Variants in ZNF823 observed in about 807,000 individuals in gnomAD.
The protein encoded by ZNF823 is ZFP 36 for a zinc finger protein.
Under a neutral mutation model 11.4 loss-of-function variants are expected in ZNF823, and 5 were observed. The observed-to-expected ratio is 0.44, with a 90% CI of 0.23 to 0.92. The LOEUF (loss-of-function observed/expected upper bound fraction) is 0.92. Among genes scored for constraint, ZNF823 ranks in the 40% least tolerant of loss-of-function variants. The pLI is 0.24. For missense variants in ZNF823, 582 were observed against 738.5 expected (o/e 0.79, Z 2.46); for synonymous variants, 234 against 250.5 (o/e 0.93, Z 0.62).
At chr19:11,735,275 A>C (rs1568470893) in intron 1 of ZNF823, among the ~76,000 whole-genome samples, 2 of 96,578 alleles carry the variant, frequency 2.1e-5, no homozygotes, top group African/African-American at 5.1e-5. Flanking sequence ...ACTCCATTTC[A>C]AAAAACAAAA....
chr19:11,731,293 T>C (rs1276973498), intron 1 of ZNF823, among the ~76,000 whole-genome samples: 1 of 151,680 alleles, frequency 6.6e-6, no homozygotes, highest in Non-Finnish European at 1.5e-5. Context: ...GCCTGGGCAA[T>C]AACAAGAGCA....
chr19:11,722,062 C>A lies in ZNF823; in HGVS notation c.1472G>T (p.Arg491Met). The change falls in exon 4 of 4, where the codon AGG (arginine) becomes ATG (methionine). Residue 491 changes from arginine (R) to methionine (M), a missense_variant. Coordinates refer to ENST00000341191, the MANE Select transcript of ZNF823 (RefSeq NM_001080493.4). The surrounding 1 kb of genome is among the most constrained non-coding windows in gnomAD (Gnocchi z 5.2). ...ATAAGGTTTTTCTACTGTGTGGGTCCTTTTATGTTGAGAAAGGTATTTGAA... is the reference window on the plus strand; with the variant it reads ...ATAAGGTTTTTCTACTGTGTGGGTCATTTTATGTTGAGAAAGGTATTTGAA... ...SCFKYLSQHK[R>M]THTVEKPYEC... 1.2e-6 allele frequency: 2 copies of A among 1,612,552 alleles called. No individual in the cohort carries two copies. The highest frequency in any genetic ancestry group is 1.1e-5 in the South Asian group (1 of 90,778).
rs1367853656 is a variant in ZNF823, at chr19:11,725,191, T to A, written c.130+10A>T. 10 of 1,607,876 alleles carry A rather than the reference T, an allele frequency of 6.2e-6. No individual in the cohort carries two copies. Among genetic ancestry groups the A allele is most frequent in the African/African-American group, 1.3e-5 (1 of 74,570 alleles). ...TAATTGACTAAGTGAAGAGATGATG[T>A]CATCCTTACCTATACAGTCCAGGTT... On this transcript the variant is annotated intron_variant, in intron 2 of 3. Transcript: ENST00000341191.
At chr19:11,729,188 A>C (rs1248814089) in intron 1 of ZNF823, among the ~76,000 whole-genome samples, 1 of 149,170 alleles carries the variant, frequency 6.7e-6, no homozygotes, top group East Asian at 1.9e-4. Flanking sequence ...AAAAAAAAAA[A>C]CAACAAATAA....
At position 11,721,770 on chromosome 19, in the gene ZNF823, A is replaced by G. The variant is rs1229409176; in HGVS notation, c.1764T>C (p.Cys588=). 23 of 1,614,030 alleles carry G rather than the reference A, an allele frequency of 1.4e-5. No homozygotes were observed. Among genetic ancestry groups the G allele is most frequent in the Non-Finnish European group, 1.7e-5 (20 of 1,180,024 alleles). ...AACGGAGAGAACTCAATGCTTTCCC[A>G]CATTCCTTACATTCATACAGCTTCT... ...TGEKLYECKE[C]GKALSSLRSL... The change falls in exon 4 of 4, where the codon TGT becomes TGC. Residue 588 remains cysteine, a synonymous_variant. Transcript: ENST00000341191.
At chr19:11,729,846 C>T (rs1022241531) in intron 1 of ZNF823, among the ~76,000 whole-genome samples, 2 of 151,950 alleles carry the variant, frequency 1.3e-5, no homozygotes, top group Non-Finnish European at 2.9e-5. Context: ...CTACAAGTTA[C>T]GTTTGGAAGG....
chr19:11,725,271 C>G lies in ZNF823; in HGVS notation c.60G>C (p.Leu20Phe). ...AGAGACTCTTCTGTGATGGACCCAG[C>G]AAAGCCCACTCCTCTTGTGTGAAGT... The part of the protein sequence containing the change: ...AVNFTQEEWA[L>F]LGPSQKSLYR... Residue 20 changes from leucine (L) to phenylalanine (F), a missense_variant, in exon 2 of 4, where the codon TTG (leucine) becomes TTC (phenylalanine). Physicochemically the swap from Leu to Phe is conservative, Grantham distance 22. Coordinates refer to ENST00000341191, the MANE Select transcript of ZNF823 (RefSeq NM_001080493.4). The G allele has an allele frequency of 6.2e-7, 1 of 1,614,094 alleles. No individual in the cohort carries two copies. Among genetic ancestry groups the G allele is most frequent in the South Asian group, 1.1e-5 (1 of 91,082 alleles).
In ZNF823 at chr19:11,724,182, G is replaced by C; in HGVS notation, c.191+12C>G. 1 of 1,598,938 alleles carries C rather than the reference G, an allele frequency of 6.3e-7. No homozygotes were observed. The highest frequency in any genetic ancestry group is 8.5e-7 in the Non-Finnish European group (1 of 1,172,622). On this transcript the variant is annotated intron_variant, in intron 3 of 3. Transcript: ENST00000341191. ...TGCAGGGACATAGCTTTCTTTTGTG[G>C]GTGCAAATTACCTTAGATTTCTCTT...
In ZNF823 at chr19:11,738,881, G is replaced by A. The variant is rs1047621681; in HGVS notation, c.-62C>T. ...AGCCAGTGTGGGTCCCAGCGCGACA[G>A]ACGCTGATACAGACCTTCCAGGGCG... On this transcript the variant is annotated 5_prime_UTR_variant, in exon 1 of 4. Coordinates refer to ENST00000341191, the MANE Select transcript of ZNF823 (RefSeq NM_001080493.4). 2.5e-6 allele frequency: 4 copies of A among 1,584,086 alleles called. No homozygotes were observed. The African/African-American group carries it at 5.4e-5, about 21-fold the overall frequency.
In ZNF823 at chr19:11,723,241, C is replaced by T. The variant is rs1335534044; in HGVS notation, c.293G>A (p.Cys98Tyr). 4.3e-6 allele frequency: 7 copies of T among 1,614,004 alleles called. No individual in the cohort carries two copies. Among genetic ancestry groups the T allele is most frequent in the South Asian group, 3.3e-5 (3 of 91,092 alleles). Residue 98 changes from cysteine (C) to tyrosine (Y), a missense_variant, in exon 4 of 4, where the codon TGT (cysteine) becomes TAT (tyrosine). By Grantham distance (194) the Cys-to-Tyr change is radical (BLOSUM62 -2). Around this residue, in one of 3 missense-constraint regions of ZNF823, gnomAD observed 429 missense variants for 553.7 expected, o/e 0.77. Coordinates refer to ENST00000341191, the MANE Select transcript of ZNF823 (RefSeq NM_001080493.4). ...GACTTCTCCACACTCACCACTGTCA[C>T]ATGGATTTACTCGAGGAGTGTTCTT... ...VNKNTPRVNP[C>Y]DSGECGEVVL...
Position 11,721,662 on chromosome 19 carries a change from G to A in ZNF823, c.*39C>T, listed in dbSNP as rs1261808782. 1 of 1,544,222 alleles carries A rather than the reference G, an allele frequency of 6.5e-7. No individual in the cohort carries two copies. Among genetic ancestry groups the A allele is most frequent in the African/African-American group, 1.4e-5 (1 of 72,424 alleles). ...CCAAAGTGAGTTCTTTCAAGTTTCT[G>A]AAATTAAAGTACTGAATGTTTTCCC... On this transcript the variant is annotated 3_prime_UTR_variant, in exon 4 of 4. Transcript: ENST00000341191.
chr19:11,724,092 T>C, intron 3 of ZNF823, 102 bp downstream of exon 3: 1 of 958,668 alleles, frequency 1.0e-6, no homozygotes, highest in Non-Finnish European at 1.5e-6. Flanking sequence ...AATGAATAAA[T>C]TTAAGCTGGG....
At chr19:11,734,658 C>T (rs1974960618) in intron 1 of ZNF823, among the ~76,000 whole-genome samples, 1 of 152,142 alleles carries the variant, frequency 6.6e-6, no homozygotes, top group East Asian at 1.9e-4. Flanking sequence ...CTGCCTCAGC[C>T]TCCTGAGTAG....
chr19:11,728,098 C>T (rs941081037), intron 1 of ZNF823, among the ~76,000 whole-genome samples: 4 of 152,042 alleles, frequency 2.6e-5, no homozygotes, highest in Non-Finnish European at 4.4e-5. Flanking sequence ...AGGATGGTCT[C>T]GATCTCCTGA....
intron 1 of ZNF823, among the ~76,000 whole-genome samples, chr19:11,736,388 A>G (rs1191709340): frequency 6.6e-6 from 1 of 152,114 alleles, no homozygotes; most frequent in African/African-American, 2.4e-5. Flanking sequence ...GCATGGTAGC[A>G]TACGTCTGTA....
At chr19:11,723,420 T>C in intron 3 of ZNF823, 78 bp from the exon 4 acceptor site, 2 of 1,224,714 alleles carry the variant, frequency 1.6e-6, no homozygotes, top group East Asian at 5.1e-5. Flanking sequence ...AGATTTATAT[T>C]TGTAACATTA....
chr19:11,737,205 T>C (rs1039060279), intron 1 of ZNF823, among the ~76,000 whole-genome samples: 1 of 152,100 alleles, frequency 6.6e-6, no homozygotes. Context: ...CGACTGAAAA[T>C]ATTCGGGTAT....
intron 3 of ZNF823, among the ~76,000 whole-genome samples, chr19:11,723,694 C>T (rs534615107): frequency 7.3e-4 from 111 of 152,228 alleles, no homozygotes; most frequent in Non-Finnish European, 1.2e-3. Flanking sequence ...TACAGGCATG[C>T]GCCACCACGC....
rs1974709141 is a variant in ZNF823 at position 11,722,615 on chromosome 19, T to C, written c.919A>G (p.Lys307Glu). ...THTGEQPYACKQCGKTFYHHT... is the reference protein window; with the variant it reads ...THTGEQPYACEQCGKTFYHHT... ...TGATAAAACGTTTTCCCACATTGCT[T>C]ACATGCATAGGGTTGTTCTCCCGTG... Residue 307 changes from lysine to glutamate, a missense_variant, in exon 4 of 4, where the codon AAG (lysine) becomes GAG (glutamate). Around this residue, in one of 3 missense-constraint regions of ZNF823, gnomAD observed 429 missense variants for 553.7 expected, o/e 0.77. Coordinates refer to ENST00000341191, the MANE Select transcript of ZNF823 (RefSeq NM_001080493.4). The surrounding 1 kb of genome is among the most constrained non-coding windows in gnomAD (Gnocchi z 5.2). The C allele has an allele frequency of 6.2e-7, 1 of 1,614,024 alleles. No individual in the cohort carries two copies. Among genetic ancestry groups the C allele is most frequent in the African/African-American group, 1.3e-5 (1 of 74,908 alleles).
Sources: gnomAD v4.1 joint callset for allele counts (sites outside exome capture counted in the v4.1 genomes callset) on GRCh38, gnomAD v4.1.1 for gene constraint, gnomAD v4.1.1 regional missense constraint, Gnocchi (gnomAD v3.1) non-coding constraint, MANE v1.5 for transcripts, NCBI Gene and HGNC (gene_info 2026-07-23, HGNC 2026-07-21) for gene names.